ANKS1B: variants seen among roughly 807,000 people sequenced by gnomAD.
ANKS1B encodes the protein ankyrin repeat and sterile alpha motif domain-containing protein 1B.
Under a neutral mutation model 148.3 loss-of-function variants are expected in ANKS1B, and 36 were observed. The ratio of observed to expected loss-of-function variants is 0.24; its 90% CI spans 0.19 to 0.32. The LOEUF (loss-of-function observed/expected upper bound fraction) is 0.32, where lower values mean the gene tolerates loss of function less well. ANKS1B is among the 10% of genes least tolerant of loss of function. The pLI is 1.00. For missense variants in ANKS1B, 1,157 were observed against 1,542.6 expected, an observed-to-expected ratio of 0.75 and a Z score of 4.19; for synonymous variants, 542 against 560.8, an observed-to-expected ratio of 0.97 and a Z score of 0.47.
At chr12:99,220,610 C>A (rs2084962849) in intron 14 of ANKS1B, among the ~76,000 whole-genome samples, 1 of 151,660 alleles carries the variant, frequency 6.6e-6, no homozygotes, top group Non-Finnish European at 1.5e-5. Context: ...CCACCCCCGG[C>A]TAATTTTTTT....
At chr12:99,179,840 A>G (rs939695339) in intron 14 of ANKS1B, among the ~76,000 whole-genome samples, 4 of 152,226 alleles carry the variant, frequency 2.6e-5, no homozygotes, top group African/African-American at 4.8e-5. Flanking sequence ...AATTACTATT[A>G]TAATATCACT....
chr12:99,154,659 C>T (rs529613327), intron 14 of ANKS1B: 52 of 1,439,406 alleles, frequency 3.6e-5, no homozygotes, highest in African/African-American at 4.3e-5. Flanking sequence ...CCGACCAGTA[C>T]GTCATACAGC....
chr12:98,910,433 G>C (rs930178900), intron 17 of ANKS1B, among the ~76,000 whole-genome samples: 2 of 152,188 alleles, frequency 1.3e-5, no homozygotes, highest in Non-Finnish European at 2.9e-5. Context: ...GGGATATTTA[G>C]CTTGTTGGCA....
At chr12:99,875,130 T>C (rs2091931402) in intron 1 of ANKS1B, among the ~76,000 whole-genome samples, 1 of 152,170 alleles carries the variant, frequency 6.6e-6, no homozygotes, top group African/African-American at 2.4e-5. Context: ...CTGAGAATCC[T>C]TTAAAAGATA....
intron 9 of ANKS1B, among the ~76,000 whole-genome samples, chr12:99,589,629 C>T (rs966661751): frequency 6.6e-6 from 1 of 152,150 alleles, no homozygotes; most frequent in Non-Finnish European, 1.5e-5. Flanking sequence ...AGATACTAAC[C>T]TCTGTCCAAT....
intron 12 of ANKS1B, among the ~76,000 whole-genome samples, chr12:99,397,002 C>A (rs2094266143): frequency 6.6e-6 from 1 of 152,078 alleles, no homozygotes; most frequent in Non-Finnish European, 1.5e-5. Context: ...ATGCCCAGAA[C>A]CCTTCCCAGG....
At chr12:98,741,480 C>G (rs576683871), downstream of ANKS1B, among the ~76,000 whole-genome samples, 2 of 152,250 alleles carry the variant, frequency 1.3e-5, no homozygotes, top group East Asian at 3.9e-4. Context: ...CGTGAAAATC[C>G]AGATTTCTTA....
At chr12:99,101,028 T>C (rs886285645) in intron 15 of ANKS1B, among the ~76,000 whole-genome samples, 4 of 152,138 alleles carry the variant, frequency 2.6e-5, no homozygotes, top group Admixed American at 2.0e-4. Flanking sequence ...CGTGGATCGG[T>C]TGCAGCATGA....
rs925629139 is a variant in ANKS1B, at chr12:99,587,789, C to G, written c.1272+67278G>C. 6.6e-5 allele frequency among the ~76,000 whole-genome samples: 10 copies of G among 152,192 alleles called. 1 individual carries two copies. Among genetic ancestry groups the G allele is most frequent in the African/African-American group, 2.4e-4 (10 of 41,522 alleles). ...GATTTTTATACCATAAGTAGTTTTA[C>G]ATGGGATCTTTAGCACAAAAAAAAT... is the stretch of plus-strand genomic sequence containing the variant. On this transcript the variant is annotated intron_variant, in intron 9 of 26. Transcript: ENST00000683438.
At chr12:99,077,320 T>TG (rs2048196951) in intron 16 of ANKS1B, among the ~76,000 whole-genome samples, 1 of 152,100 alleles carries the variant, frequency 6.6e-6, no homozygotes, top group Non-Finnish European at 1.5e-5. Flanking sequence ...CAACACTGAG[T>TG]GGCAGTGAGT....
intron 9 of ANKS1B, among the ~76,000 whole-genome samples, chr12:99,544,520 G>A (rs2097155338): frequency 6.6e-6 from 1 of 152,112 alleles, no homozygotes; most frequent in Non-Finnish European, 1.5e-5. Context: ...AAAATGTCCT[G>A]TGTAAAAGAT....
intron 8 of ANKS1B, among the ~76,000 whole-genome samples, chr12:99,670,114 G>C (rs1328750055): frequency 6.6e-6 from 1 of 152,158 alleles, no homozygotes; most frequent in Non-Finnish European, 1.5e-5. Flanking sequence ...TTTAAAAGAA[G>C]ACGTGTATTA....
chr12:99,472,495 A>G (rs555620757), intron 10 of ANKS1B, among the ~76,000 whole-genome samples: 126 of 152,282 alleles, frequency 8.3e-4, no homozygotes, highest in African/African-American at 3.0e-3. Flanking sequence ...CAACTAAATT[A>G]GATATTTCAA....
rs534381854 is a variant in ANKS1B, at chr12:99,597,906, C to T, written c.1272+57161G>A. 3.8e-4 allele frequency among the ~76,000 whole-genome samples: 58 copies of T among 152,114 alleles called. 1 individual carries two copies. The highest frequency in any genetic ancestry group is 6.8e-3 in the Middle Eastern group (2 of 294). ...CAAAGCCATGTAAATGAGCTGTATA[C>T]ATAGTCATTTTCCTTAAACCAAGTG... is the stretch of plus-strand genomic sequence containing the variant. On this transcript the variant is annotated intron_variant, in intron 9 of 26. Transcript: ENST00000683438.
chr12:99,903,846 T>C (rs2093684919), intron 1 of ANKS1B, among the ~76,000 whole-genome samples: 1 of 151,994 alleles, frequency 6.6e-6, no homozygotes, highest in Non-Finnish European at 1.5e-5. Flanking sequence ...AAGAGCTTAC[T>C]CATATAACCT....
At chr12:99,307,953 G>T (rs1056800608) in intron 12 of ANKS1B, among the ~76,000 whole-genome samples, 4 of 151,970 alleles carry the variant, frequency 2.6e-5, no homozygotes, top group Non-Finnish European at 5.9e-5. Flanking sequence ...TTTCTATGGA[G>T]GACTCCCTCG....
intron 14 of ANKS1B, among the ~76,000 whole-genome samples, chr12:99,199,258 G>A (rs1418713731): frequency 6.6e-6 from 1 of 152,186 alleles, no homozygotes. Flanking sequence ...AAGTCATGCA[G>A]TTTTAGATAA....
At chr12:99,523,551 CTTTTTT>C (rs71088130) in intron 9 of ANKS1B, among the ~76,000 whole-genome samples, 1 of 119,640 alleles carries the variant, frequency 8.4e-6, no homozygotes. Context: ...AAGGCATCTT[CTTTTTT>C]TTTTTTTTTT....
At chr12:98,735,720 C>G (rs1444290213) in intron 9 of ANKS1B, 2 of 608,492 alleles carry the variant, frequency 3.3e-6, no homozygotes, top group Non-Finnish European at 6.3e-6. Context: ...ATGTGCCTGG[C>G]ATTGTGGTAG....
Sources: allele counts gnomAD v4.1 joint callset (sites outside exome capture counted in the v4.1 genomes callset), GRCh38; gene constraint gnomAD v4.1.1; transcripts MANE v1.5; gene names NCBI Gene and HGNC (gene_info 2026-07-23, HGNC 2026-07-21).